The following HIVEP1 variants were observed in gnomAD, a reference collection of about 807,000 sequenced individuals.
HIVEP1 encodes HIVEP zinc finger 1.
A neutral mutation model predicts 180.0 loss-of-function variants in HIVEP1; 36 were observed. That is an observed-to-expected ratio of 0.20 (90% confidence interval 0.15 to 0.26). The LOEUF (loss-of-function observed/expected upper bound fraction) is 0.26, where lower values mean the gene tolerates loss of function less well. HIVEP1 is among the 10% of genes least tolerant of loss of function. HIVEP1 has a pLI of 1.00. For synonymous variants in HIVEP1, 1,239 were observed against 1,239.0 expected, an observed-to-expected ratio of 1.00 and a Z score of 0.00; for missense variants, 3,143 against 3,268.7, an observed-to-expected ratio of 0.96 and a Z score of 0.94.
chr6:12,143,077 A>C (rs1365485969), intron 7 of HIVEP1, among the ~76,000 whole-genome samples: 1 of 152,216 alleles, frequency 6.6e-6, no homozygotes, highest in East Asian at 1.9e-4. Context: ...CAGAGACATA[A>C]CAAAAAAAAG....
chr6:12,183,832 G>A, the HIVEP1 span, among the ~76,000 whole-genome samples: 1 of 152,124 alleles, frequency 6.6e-6, no homozygotes, highest in African/African-American at 2.4e-5. Flanking sequence ...AGAATTTATG[G>A]TTGTATTTGC....
At chr6:12,107,924 C>T (rs988248370) in intron 3 of HIVEP1, among the ~76,000 whole-genome samples, 3 of 152,248 alleles carry the variant, frequency 2.0e-5, no homozygotes, top group Middle Eastern at 3.4e-3. Flanking sequence ...TTCTCCACGT[C>T]CCCACCAGAT....
At chr6:12,051,026 A>ATATG (rs1554135686) in intron 2 of HIVEP1, among the ~76,000 whole-genome samples, 39 of 141,216 alleles carry the variant, frequency 2.8e-4, no homozygotes, top group African/African-American at 1.0e-3. Context: ...ATATATATAT[A>ATATG]TATATGTATA....
At chr6:12,082,382 A>G (rs929961488) in intron 2 of HIVEP1, among the ~76,000 whole-genome samples, 6 of 152,106 alleles carry the variant, frequency 3.9e-5, no homozygotes, top group Non-Finnish European at 8.8e-5. Flanking sequence ...CTGATTATTC[A>G]GTTTTTGTCT....
chr6:12,170,944 T>C, the HIVEP1 span, among the ~76,000 whole-genome samples: 29 of 152,192 alleles, frequency 1.9e-4, no homozygotes, highest in Non-Finnish European at 4.0e-4. Flanking sequence ...TCTTTCTTTT[T>C]AGTTGGCGGA....
At position 12,075,208 on chromosome 6, in the gene HIVEP1, C is replaced by T. The variant is rs116569075; in HGVS notation, c.41-13976C>T. 9.4e-3 allele frequency among the ~76,000 whole-genome samples: 1,424 copies of T among 152,268 alleles called. 22 individuals carry two copies. The highest frequency in any genetic ancestry group is 0.032 in the African/African-American group (1,348 of 41,546). ...ACATTGCTCTGCTCCTTGGGTTTGGCGTTTTAGATTTTGTATCTTGAAGGC... is the reference window on the plus strand; with the variant it reads ...ACATTGCTCTGCTCCTTGGGTTTGGTGTTTTAGATTTTGTATCTTGAAGGC... On this transcript the variant is annotated intron_variant, in intron 2 of 8. Transcript: ENST00000379388.
At chr6:12,062,973 T>C (rs147348449) in intron 2 of HIVEP1, among the ~76,000 whole-genome samples, 79 of 152,360 alleles carry the variant, frequency 5.2e-4, no homozygotes, top group African/African-American at 1.9e-3. Flanking sequence ...AGGTACTTAC[T>C]AGAAGAATAC....
chr6:12,031,820 A>T (rs1027652281), intron 2 of HIVEP1, among the ~76,000 whole-genome samples: 1 of 151,860 alleles, frequency 6.6e-6, no homozygotes, highest in East Asian at 1.9e-4. Flanking sequence ...TGTGGAGAGG[A>T]TTTGTCACTC....
intron 4 of HIVEP1, among the ~76,000 whole-genome samples, chr6:12,127,368 G>T (rs757943349): frequency 9.2e-5 from 14 of 152,200 alleles, no homozygotes; most frequent in Non-Finnish European, 1.6e-4. Flanking sequence ...TGTGGAATTT[G>T]TTAAGTTCTC....
intron 7 of HIVEP1, among the ~76,000 whole-genome samples, chr6:12,159,542 T>C (rs1029723155): frequency 6.6e-6 from 1 of 152,136 alleles, no homozygotes; most frequent in Non-Finnish European, 1.5e-5. Flanking sequence ...GGAGGCTCGT[T>C]GTGGGCAGGG....
intron 6 of HIVEP1, among the ~76,000 whole-genome samples, chr6:12,134,752 A>G (rs1758613950): frequency 6.6e-6 from 1 of 152,188 alleles, no homozygotes; most frequent in South Asian, 2.1e-4. Flanking sequence ...TTCAGTGATC[A>G]CTTGAGGCAG....
rs146464434 is a variant in HIVEP1 at position 12,079,148 on chromosome 6, C to T, written c.41-10036C>T. Among the ~76,000 whole-genome samples the T allele has an allele frequency of 5.9e-5, 9 of 152,252 alleles. No homozygotes were observed. In the East Asian group the frequency reaches 9.6e-4, roughly 16 times the overall value. On this transcript the variant is annotated intron_variant, in intron 2 of 8. Coordinates refer to ENST00000379388, the MANE Select transcript of HIVEP1 (RefSeq NM_002114.4). ...GTTGTCATACTCTAATAATTATATC[C>T]ATCCCACAGTGGGCAACATATTTTG...
intron 3 of HIVEP1, among the ~76,000 whole-genome samples, chr6:12,118,735 G>A (rs1204894139): frequency 6.6e-6 from 1 of 151,884 alleles, no homozygotes; most frequent in African/African-American, 2.4e-5. Flanking sequence ...TAATTTTGTT[G>A]GTAAGAAACC....
chr6:12,151,784 A>G (rs1759718559), intron 7 of HIVEP1, among the ~76,000 whole-genome samples: 1 of 152,216 alleles, frequency 6.6e-6, no homozygotes, highest in African/African-American at 2.4e-5. Context: ...GACAGTATAT[A>G]AAGAAATGAG....
chr6:12,107,968 C>T (rs188080640), intron 3 of HIVEP1, among the ~76,000 whole-genome samples: 4 of 152,124 alleles, frequency 2.6e-5, no homozygotes, highest in Non-Finnish European at 5.9e-5. Flanking sequence ...CAAAGGTTCT[C>T]GAAGGCCCCA....
At chr6:12,183,974 AAGAT>A in the HIVEP1 span, among the ~76,000 whole-genome samples, 31,819 of 134,152 alleles carry the variant, frequency 0.24, 4,587 homozygotes, top group East Asian at 0.32. Flanking sequence ...TCACATTGTA[AAGAT>A]AGATAGATAG....
chr6:12,153,779 T>A (rs1020820724), intron 7 of HIVEP1, among the ~76,000 whole-genome samples: 3 of 152,052 alleles, frequency 2.0e-5, no homozygotes. Context: ...AAGTCTTGAT[T>A]TGACTATGGG....
At chr6:12,102,288 CATT>C (rs1774157004) in intron 3 of HIVEP1, among the ~76,000 whole-genome samples, 1 of 152,174 alleles carries the variant, frequency 6.6e-6, no homozygotes, top group Non-Finnish European at 1.5e-5. Flanking sequence ...ACAGAATACA[CATT>C]ATTCTCCAGT....
the HIVEP1 span, among the ~76,000 whole-genome samples, chr6:12,211,217 G>C: frequency 0.16 from 17,519 of 112,320 alleles, 1,757 homozygotes; most frequent in East Asian, 0.33. Context: ...GGCTAACACG[G>C]TGAAACCCCG....
Sources: allele counts gnomAD v4.1 joint callset (sites outside exome capture counted in the v4.1 genomes callset), GRCh38; gene constraint gnomAD v4.1.1; transcripts MANE v1.5; gene names NCBI Gene and HGNC (gene_info 2026-07-23, HGNC 2026-07-21).